Variants in CRACDL observed in about 807,000 individuals in gnomAD.
CRACDL encodes CRACD-like protein.
Under a neutral mutation model 70.6 loss-of-function variants are expected in CRACDL, and 26 were observed. The ratio of observed to expected loss-of-function variants is 0.37; its 90% confidence interval spans 0.27 to 0.51. The LOEUF is 0.51. CRACDL is among the 20% of genes least tolerant of loss of function. The pLI is 0.94. For synonymous variants in CRACDL, 618 were observed against 615.2 expected (o/e 1.00, Z -0.07); for missense variants, 1,283 against 1,376.9 (o/e 0.93, Z 1.08).
At position 98,821,712 on chromosome 2, in the gene CRACDL, T is replaced by C. The variant is rs1006493017; in HGVS notation, c.2416+145A>G. 6 of 1,080,774 alleles carry C rather than the reference T, an allele frequency of 5.6e-6. No individual in the cohort carries two copies. The African/African-American group carries it at 1.0e-4, about 18-fold the overall frequency. The allele number at this position is 1,080,774 out of a possible 1,614,324, so 66.9% of individuals were successfully genotyped here. ...GGACAAGCTTGCTCTAGATCAGACA[T>C]GATGTTAGTGGGAATTCTGACTCCT... On this transcript the variant is annotated intron_variant, in intron 7 of 9. Coordinates refer to ENST00000397899, the MANE Select transcript of CRACDL (RefSeq NM_207362.3).
chr2:98,869,044 T>C (rs1707248322), intron 1 of CRACDL: 2 of 1,279,850 alleles, frequency 1.6e-6, no homozygotes, highest in Non-Finnish European at 2.1e-6. Flanking sequence ...CTCGCGACTC[T>C]CCCCCACCAC....
Position 98,823,226 on chromosome 2 carries a change from A to G in CRACDL, c.1047T>C (p.Thr349=). The G allele has an allele frequency of 7.1e-7, 1 of 1,406,234 alleles. No homozygotes were observed. The highest frequency in any genetic ancestry group is 9.2e-7 in the Non-Finnish European group (1 of 1,084,210). The allele number at this position is 1,406,234 out of a possible 1,614,324, so 87.1% of individuals were successfully genotyped here. The change falls in exon 7 of 10, where the codon ACT becomes ACC. Residue 349 remains threonine, a synonymous_variant. Coordinates refer to ENST00000397899, the MANE Select transcript of CRACDL (RefSeq NM_207362.3). This position sits in a 1 kb window ranked among gnomAD's most constrained non-coding sequence, Gnocchi z 4.0. ...GCGGGGACGGGGGCTCCACGCGGAG[A>G]GTGGGGGCCGACTCGGGCTCGGCGA... The part of the protein sequence containing the change: ...PELAEPESAP[T]LRVEPPSPPE...
chr2:98,887,526 C>A (rs1415978963), intron 1 of CRACDL, among the ~76,000 whole-genome samples: 2 of 151,822 alleles, frequency 1.3e-5, no homozygotes, highest in Non-Finnish European at 2.9e-5. Flanking sequence ...GGGTAGGATA[C>A]CACTGAGCAT....
At chr2:98,848,333 C>A (rs901623710) in intron 1 of CRACDL, among the ~76,000 whole-genome samples, 1 of 152,098 alleles carries the variant, frequency 6.6e-6, no homozygotes, top group African/African-American at 2.4e-5. Context: ...AGTCAGCAAC[C>A]CCCTCATCCC....
chr2:98,810,536 C>T (rs1575331576), intron 7 of CRACDL, among the ~76,000 whole-genome samples: 2 of 152,170 alleles, frequency 1.3e-5, no homozygotes, highest in South Asian at 2.1e-4. Context: ...AGGATAAAGA[C>T]GCTGCACATT....
chr2:98,897,214 AAC>A (rs1708148652), intron 1 of CRACDL, among the ~76,000 whole-genome samples: 2 of 152,226 alleles, frequency 1.3e-5, no homozygotes, highest in Admixed American at 6.5e-5. Context: ...TACAGTATGT[AAC>A]ATTTTGAGAC....
intron 1 of CRACDL, among the ~76,000 whole-genome samples, chr2:98,851,555 C>T (rs1706482422): frequency 1.3e-5 from 2 of 152,312 alleles, no homozygotes; most frequent in African/African-American, 2.4e-5. Context: ...TCCAACAGTG[C>T]TTTCCCTCAC....
intron 7 of CRACDL, among the ~76,000 whole-genome samples, chr2:98,815,748 G>A (rs1445898879): frequency 6.6e-6 from 1 of 152,190 alleles, no homozygotes; most frequent in East Asian, 1.9e-4. Flanking sequence ...CCGTTGCCCT[G>A]CAGAGGGTAC....
chr2:98,851,028 C>T (rs1706459640), intron 1 of CRACDL, among the ~76,000 whole-genome samples: 1 of 152,224 alleles, frequency 6.6e-6, no homozygotes, highest in African/African-American at 2.4e-5. Flanking sequence ...CTCCATACAT[C>T]TGAGCACATA....
At position 98,795,079 on chromosome 2, in the gene CRACDL, T is replaced by A. The variant is rs865955150; in HGVS notation, c.2750-408A>T. Among the ~76,000 whole-genome samples the A allele has an allele frequency of 9.4e-4, 77 of 81,880 alleles. 13 individuals are homozygous for A. Among genetic ancestry groups the A allele is most frequent in the African/African-American group, 3.5e-3 (54 of 15,340 alleles). 53.7% of individuals were successfully genotyped at this position (81,880 alleles called of 152,430 possible). On this transcript the variant is annotated intron_variant, in intron 9 of 9. Transcript: ENST00000397899. ...TATATATATATATATATATATATAT[T>A]TTTTTTTTTTTTTGAGACAGAAGTC...
intron 1 of CRACDL, among the ~76,000 whole-genome samples, chr2:98,849,504 G>C (rs1706395231): frequency 6.6e-6 from 1 of 152,122 alleles, no homozygotes; most frequent in Admixed American, 6.5e-5. Context: ...TTCTCCCTGG[G>C]TTGAAGGACA....
At position 98,823,567 on chromosome 2, in the gene CRACDL, C is replaced by A; in HGVS notation, c.736-30G>T. ...GAGAAATAAAGATAAAAAGCATCGT[C>A]GCTATAGCCAATTCCAGGAAGCCTG... is the stretch of plus-strand genomic sequence containing the variant. On this transcript the variant is annotated intron_variant, in intron 6 of 9. Transcript: ENST00000397899. This position sits in a 1 kb window ranked among gnomAD's most constrained non-coding sequence, Gnocchi z 4.0. 6.5e-7 allele frequency: 1 copy of A among 1,540,502 alleles called. No individual in the cohort carries two copies. The highest frequency in any genetic ancestry group is 1.2e-5 in the South Asian group (1 of 84,342).
At chr2:98,863,771 A>AG (rs1391425007) in intron 1 of CRACDL, among the ~76,000 whole-genome samples, 6 of 152,222 alleles carry the variant, frequency 3.9e-5, no homozygotes, top group African/African-American at 1.4e-4. Context: ...TGGGTATATC[A>AG]GGACATAACC....
intron 4 of CRACDL, 147 bp from the exon 5 acceptor site, chr2:98,832,659 C>T: frequency 9.9e-7 from 1 of 1,006,038 alleles, no homozygotes; most frequent in Non-Finnish European, 1.5e-6. Context: ...CTGCCACCAG[C>T]TCTTCCACTG....
intron 3 of CRACDL, among the ~76,000 whole-genome samples, chr2:98,836,261 C>G (rs1705776829): frequency 6.6e-6 from 1 of 152,124 alleles, no homozygotes; most frequent in Admixed American, 6.5e-5. Context: ...ACTAATGTGC[C>G]TTAGTAAATG....
At chr2:98,835,618 G>GA (rs1559224631) in intron 3 of CRACDL, among the ~76,000 whole-genome samples, 1 of 151,832 alleles carries the variant, frequency 6.6e-6, no homozygotes, top group African/African-American at 2.4e-5. Context: ...GAAAAAAAAA[G>GA]AAAAAAACAA....
chr2:98,892,404 G>A (rs1195307901), intron 1 of CRACDL, among the ~76,000 whole-genome samples: 1 of 151,698 alleles, frequency 6.6e-6, no homozygotes, highest in Non-Finnish European at 1.5e-5. Flanking sequence ...AAAAAGATCT[G>A]AGCAGGCCAG....
In CRACDL at chr2:98,897,429, T is replaced by C. The variant is rs920400510; in HGVS notation, c.-11+38509A>G. ...ATCATCTCAGTCACAGGTGTCCTTA[T>C]CTCAGCATACCAGATTCATTACATG... On this transcript the variant is annotated intron_variant, in intron 1 of 9. Transcript: ENST00000397899. 20 of 1,301,134 alleles carry C rather than the reference T, an allele frequency of 1.5e-5. No individual in the cohort carries two copies. The African/African-American group carries it at 2.7e-4, about 18-fold the overall frequency. The allele number at this position is 1,301,134 out of a possible 1,614,324, so 80.6% of individuals were successfully genotyped here.
intron 8 of CRACDL, 113 bp downstream of exon 8, chr2:98,797,236 TG>T: frequency 1.1e-6 from 1 of 944,488 alleles, no homozygotes; most frequent in East Asian, 2.4e-5. Context: ...CCATCACAGG[TG>T]ACGGTCCCTG....
Sources: allele counts gnomAD v4.1 joint callset (sites outside exome capture counted in the v4.1 genomes callset), GRCh38; gene constraint gnomAD v4.1.1; non-coding constraint Gnocchi (gnomAD v3.1); transcripts MANE v1.5; gene names NCBI Gene and HGNC (gene_info 2026-07-23, HGNC 2026-07-21).